The following SLC24A2 variants were observed in gnomAD, a reference collection of about 807,000 sequenced individuals.
SLC24A2 encodes sodium/potassium/calcium exchanger 2.
In SLC24A2, 36 loss-of-function variants were observed where a neutral mutation model predicts 62.0. The observed-to-expected ratio is 0.58, with a 90% confidence interval of 0.44 to 0.77. The LOEUF (loss-of-function observed/expected upper bound fraction) is 0.77. Among genes scored for constraint, SLC24A2 ranks in the 30% least tolerant of loss-of-function variants. SLC24A2 has a pLI of 0.00. For missense variants in SLC24A2, 846 were observed against 817.9 expected (o/e 1.03, Z -0.42); for synonymous variants, 358 against 294.0 (o/e 1.22, Z -2.23).
chr9:20,269,135 T>G, the SLC24A2 span, among the ~76,000 whole-genome samples: 1 of 152,110 alleles, frequency 6.6e-6, no homozygotes, highest in East Asian at 1.9e-4. Flanking sequence ...AAGCACGAAT[T>G]TTTATGCCCC....
chr9:19,647,564 C>A (rs1818680017), intron 2 of SLC24A2, among the ~76,000 whole-genome samples: 2 of 152,036 alleles, frequency 1.3e-5, no homozygotes, highest in African/African-American at 4.8e-5. Context: ...GGAGGGGATG[C>A]AGAAATGGGA....
In SLC24A2 at chr9:19,550,158, C is replaced by T. The variant is rs200223644; in HGVS notation, c.1458G>A (p.Thr486=). Residue 486 remains threonine, a synonymous_variant, in exon 8 of 11, where the codon ACG becomes ACA. Coordinates refer to ENST00000341998, the MANE Select transcript of SLC24A2 (RefSeq NM_020344.4). ...VFPIVFPLWI[T]LPDVRKPSSR... Reference sequence around the variant, plus strand: ...TTACAGGTTTGCGAACGTCAGGTAACGTAATCCAGAGAGGAAACACTATGG... The same window carrying T: ...TTACAGGTTTGCGAACGTCAGGTAATGTAATCCAGAGAGGAAACACTATGG... The T allele has an allele frequency of 4.6e-4, 750 of 1,613,878 alleles. 2 individuals carry two copies. Among genetic ancestry groups the T allele is most frequent in the Non-Finnish European group, 5.7e-4 (674 of 1,179,966 alleles).
At chr9:19,768,775 G>A (rs1033786296) in intron 2 of SLC24A2, among the ~76,000 whole-genome samples, 1 of 152,150 alleles carries the variant, frequency 6.6e-6, no homozygotes, top group African/African-American at 2.4e-5. Flanking sequence ...AATTGAAACT[G>A]TGGAAAAGGA....
At chr9:19,948,545 T>C in the SLC24A2 span, among the ~76,000 whole-genome samples, 2 of 152,196 alleles carry the variant, frequency 1.3e-5, no homozygotes, top group East Asian at 1.9e-4. Flanking sequence ...GATTGAAGAA[T>C]AGATTGACTG....
chr9:20,194,524 ATATT>A, the SLC24A2 span, among the ~76,000 whole-genome samples: 1 of 152,148 alleles, frequency 6.6e-6, no homozygotes, highest in African/African-American at 2.4e-5. Flanking sequence ...CTCATTCAAA[ATATT>A]TATTTAACAG....
the SLC24A2 span, among the ~76,000 whole-genome samples, chr9:20,200,045 A>G: frequency 6.6e-6 from 1 of 152,090 alleles, no homozygotes; most frequent in East Asian, 1.9e-4. Flanking sequence ...TCTGGTTTTC[A>G]TAATGAATAT....
the SLC24A2 span, among the ~76,000 whole-genome samples, chr9:20,151,539 T>C: frequency 2.0e-5 from 3 of 151,866 alleles, no homozygotes; most frequent in African/African-American, 7.2e-5. Context: ...TGCATTCAGC[T>C]AGCCAAACAA....
chr9:19,524,418 C>CAAAAAAAAAAAAAAAAAAAAAAAGGAA (rs34416897), intron 9 of SLC24A2, among the ~76,000 whole-genome samples: 1 of 119,044 alleles, frequency 8.4e-6, no homozygotes, highest in East Asian at 2.3e-4. Flanking sequence ...AAGATAAAGG[C>CAAAAAAAAAAAAAAAAAAAAAAAGGAA]AAAAAAAAAA....
chr9:19,621,121 G>A (rs1214229386), intron 3 of SLC24A2, among the ~76,000 whole-genome samples: 1 of 152,176 alleles, frequency 6.6e-6, no homozygotes, highest in African/African-American at 2.4e-5. Flanking sequence ...ATTATCCATA[G>A]GATCTTATTT....
the SLC24A2 span, among the ~76,000 whole-genome samples, chr9:19,908,909 T>A: frequency 2.0e-5 from 3 of 151,820 alleles, no homozygotes; most frequent in African/African-American, 7.3e-5. Context: ...TCAACTATTG[T>A]GGAAGTCAGT....
the SLC24A2 span, among the ~76,000 whole-genome samples, chr9:20,112,007 A>G: frequency 2.6e-5 from 4 of 152,348 alleles, no homozygotes; most frequent in East Asian, 7.7e-4. Context: ...AGTTTTGAAT[A>G]ATAACTAGGT....
At chr9:20,307,088 T>G in the SLC24A2 span, among the ~76,000 whole-genome samples, 1 of 152,252 alleles carries the variant, frequency 6.6e-6, no homozygotes, top group Non-Finnish European at 1.5e-5. Context: ...ATCTTATGTT[T>G]TGTTTACATC....
the SLC24A2 span, among the ~76,000 whole-genome samples, chr9:19,999,426 A>G: frequency 1.3e-5 from 2 of 152,186 alleles, no homozygotes; most frequent in Non-Finnish European, 2.9e-5. Flanking sequence ...TTTTCTAGAA[A>G]AGCACAGAGA....
the SLC24A2 span, among the ~76,000 whole-genome samples, chr9:20,143,753 AAAAT>A: frequency 2.0e-5 from 3 of 152,250 alleles, no homozygotes; most frequent in Non-Finnish European, 4.4e-5. Context: ...ATTTATAAGT[AAAAT>A]TATTTCCAAA....
chr9:20,043,839 G>A, the SLC24A2 span, among the ~76,000 whole-genome samples: 9 of 152,302 alleles, frequency 5.9e-5, no homozygotes, highest in African/African-American at 9.6e-5. Context: ...AGTTGATAAA[G>A]CAGTGGCAGG....
the SLC24A2 span, among the ~76,000 whole-genome samples, chr9:20,028,841 C>T: frequency 1.3e-5 from 2 of 152,202 alleles, no homozygotes; most frequent in Admixed American, 1.3e-4. Context: ...TCCCTGATAA[C>T]ACTCATTCTC....
At chr9:20,056,699 G>C in the SLC24A2 span, among the ~76,000 whole-genome samples, 239 of 152,226 alleles carry the variant, frequency 1.6e-3, no homozygotes, top group African/African-American at 5.6e-3. Flanking sequence ...CATATGACCT[G>C]ATCTCTGCCA....
At chr9:19,559,166 A>G (rs1250489237) in intron 7 of SLC24A2, among the ~76,000 whole-genome samples, 2 of 152,234 alleles carry the variant, frequency 1.3e-5, no homozygotes, top group African/African-American at 4.8e-5. Context: ...ATATTTAGAA[A>G]AATAATTTCT....
At chr9:19,545,646 CT>C (rs552493070) in intron 8 of SLC24A2, among the ~76,000 whole-genome samples, 44 of 145,692 alleles carry the variant, frequency 3.0e-4, no homozygotes, top group Middle Eastern at 3.6e-3. Context: ...GTTTTTTTTT[CT>C]TTTTTTTTTG....
Sources: allele counts gnomAD v4.1 joint callset (sites outside exome capture counted in the v4.1 genomes callset), GRCh38; gene constraint gnomAD v4.1.1; transcripts MANE v1.5; gene names NCBI Gene and HGNC (gene_info 2026-07-23, HGNC 2026-07-21).